SLC13A1: variants seen among roughly 807,000 people sequenced by gnomAD.
SLC13A1 encodes Na(+)/sulfate cotransporter.
In SLC13A1, 65 loss-of-function variants were observed where a neutral mutation model predicts 70.0. The ratio of observed to expected loss-of-function variants is 0.93; its 90% confidence interval spans 0.76 to 1.14. The LOEUF is 1.14. Ranked by LOEUF, SLC13A1 falls within the 50% of genes most tolerant of loss-of-function variation. The probability of loss-of-function intolerance (pLI) is 0.00; values close to 1 mark genes in which losing one functional copy is unlikely to be tolerated. For missense variants in SLC13A1, 726 were observed against 717.8 expected, an observed-to-expected ratio of 1.01 and a Z score of -0.13; for synonymous variants, 275 against 250.5, an observed-to-expected ratio of 1.10 and a Z score of -0.92.
At chr7:123,126,738 A>G (rs1452326761) in intron 10 of SLC13A1, among the ~76,000 whole-genome samples, 2 of 152,068 alleles carry the variant, frequency 1.3e-5, no homozygotes, top group African/African-American at 4.8e-5. Flanking sequence ...ACCATAATTT[A>G]TCTTACAAAC....
At chr7:123,139,153 C>A (rs1434996489) in intron 7 of SLC13A1, among the ~76,000 whole-genome samples, 1 of 152,084 alleles carries the variant, frequency 6.6e-6, no homozygotes, top group East Asian at 1.9e-4. Context: ...GAGTTCCCAG[C>A]ACCATTTATG....
chr7:123,168,496 T>C lies in SLC13A1; in HGVS notation c.611+8A>G, dbSNP rs774648898. The C allele has an allele frequency of 1.2e-6, 2 of 1,608,002 alleles. No homozygotes were observed. Among genetic ancestry groups the C allele is most frequent in the South Asian group, 2.2e-5 (2 of 90,150 alleles). ...AAAAATCCCAATCAAAATGTCAGTA[T>C]TCCTTACCCTGGAACTGGTTTTGTT... On this transcript the variant is annotated splice_region_variant and intron_variant, in intron 5 of 14. Coordinates refer to ENST00000194130, the MANE Select transcript of SLC13A1 (RefSeq NM_022444.4).
intron 2 of SLC13A1, among the ~76,000 whole-genome samples, chr7:123,180,197 G>A (rs1585390032): frequency 6.6e-6 from 1 of 152,118 alleles, no homozygotes; most frequent in East Asian, 1.9e-4. Context: ...AATAAAGAAG[G>A]GAACCATTCC....
intron 12 of SLC13A1, among the ~76,000 whole-genome samples, chr7:123,122,382 A>G (rs1441537476): frequency 2.0e-5 from 3 of 152,152 alleles, no homozygotes; most frequent in African/African-American, 7.2e-5. Flanking sequence ...AGTCTATGAA[A>G]ACCAGAATGA....
rs919138935 is a variant in SLC13A1 at position 123,158,717 on chromosome 7, A to G, written c.660+9657T>C. On this transcript the variant is annotated intron_variant, in intron 6 of 14. Transcript: ENST00000194130. The stretch of plus-strand genomic sequence containing the variant: ...AAAAGATTGCCTACAAAGGAATAAT[A>G]ATTTGACTGATAGCTAGCTGACTTT... Among the ~76,000 whole-genome samples the G allele has an allele frequency of 4.6e-5, 7 of 152,152 alleles. No homozygotes were observed. In the East Asian group the frequency reaches 1.2e-3, roughly 25 times the overall value.
intron 1 of SLC13A1, among the ~76,000 whole-genome samples, chr7:123,187,976 A>G (rs948514311): frequency 5.9e-5 from 9 of 152,328 alleles, no homozygotes; most frequent in African/African-American, 1.7e-4. Context: ...GAAGGAGTCC[A>G]TTGGAACTTT....
At position 123,145,422 on chromosome 7, in the gene SLC13A1, G is replaced by A. The variant is rs371266528; in HGVS notation, c.812+1737C>T. Among the ~76,000 whole-genome samples the A allele has an allele frequency of 2.6e-5, 4 of 152,130 alleles. No individual in the cohort carries two copies. The East Asian group carries it at 7.7e-4, about 29-fold the overall frequency. ...ACTTGACTGTATCAACTAATTTCAT[G>A]TGAATGATGGAAACCAGCAGTTCTC... is the stretch of plus-strand genomic sequence containing the variant. On this transcript the variant is annotated intron_variant, in intron 7 of 14. Transcript: ENST00000194130.
Position 123,192,647 on chromosome 7 carries a change from C to T in SLC13A1, c.99+7201G>A, listed in dbSNP as rs541522183. 4.6e-5 allele frequency among the ~76,000 whole-genome samples: 7 copies of T among 152,086 alleles called. No individual in the cohort carries two copies. In the East Asian group the frequency reaches 1.2e-3, roughly 25 times the overall value. ...ACTACAATTGATTTTCTAAAGAGAA[C>T]ACAAAGCAATTAAAAAAGGAGAAAA... On this transcript the variant is annotated intron_variant, in intron 1 of 14. Transcript: ENST00000194130.
Position 123,171,936 on chromosome 7 carries a change from C to T in SLC13A1, c.229-32G>A, listed in dbSNP as rs750146763. Reference sequence around the variant, plus strand: ...TAACAATTAAACCCGTGATTATTTACTTTGGTGGGGAAAAATAACATTGCA... The same window carrying T: ...TAACAATTAAACCCGTGATTATTTATTTTGGTGGGGAAAAATAACATTGCA... On this transcript the variant is annotated intron_variant, in intron 2 of 14. Coordinates refer to ENST00000194130, the MANE Select transcript of SLC13A1 (RefSeq NM_022444.4). 2.4e-5 allele frequency: 38 copies of T among 1,599,462 alleles called. 2 individuals carry two copies. In the South Asian group the frequency reaches 3.4e-4, roughly 14 times the overall value.
At position 123,168,502 on chromosome 7, in the gene SLC13A1, A is replaced by T. The variant is rs773643843; in HGVS notation, c.611+2T>A. 3.7e-5 allele frequency: 60 copies of T among 1,609,118 alleles called. No individual in the cohort carries two copies. Among genetic ancestry groups the T allele is most frequent in the Non-Finnish European group, 4.9e-5 (58 of 1,176,664 alleles). On this transcript the variant is annotated splice_donor_variant, in intron 5 of 14. Transcript: ENST00000194130. LOFTEE classifies it high-confidence loss of function. ...CCCAATCAAAATGTCAGTATTCCTT[A>T]CCCTGGAACTGGTTTTGTTTTCTCT...
intron 8 of SLC13A1, among the ~76,000 whole-genome samples, chr7:123,134,013 G>A (rs1033208487): frequency 6.6e-6 from 1 of 151,816 alleles, no homozygotes; most frequent in Non-Finnish European, 1.5e-5. Context: ...GGTCCTTTTA[G>A]GGGGGAGGTT....
At chr7:123,182,862 G>T (rs2116625192) in intron 1 of SLC13A1, among the ~76,000 whole-genome samples, 1 of 152,138 alleles carries the variant, frequency 6.6e-6, no homozygotes, top group East Asian at 1.9e-4. Context: ...TCAACCAAAA[G>T]TCAGTGACTT....
intron 6 of SLC13A1, among the ~76,000 whole-genome samples, chr7:123,156,841 CTTCAGA>C (rs1794731871): frequency 6.6e-6 from 1 of 152,078 alleles, no homozygotes; most frequent in Admixed American, 6.6e-5. Context: ...AAACCTATCC[CTTCAGA>C]TGAATCACTG....
chr7:123,182,700 C>T lies in SLC13A1; in HGVS notation c.100-1599G>A, dbSNP rs989857463. 3.8e-4 allele frequency among the ~76,000 whole-genome samples: 58 copies of T among 152,114 alleles called. 1 individual carries two copies. Among genetic ancestry groups the T allele is most frequent in the African/African-American group, 1.3e-3 (55 of 41,436 alleles). On this transcript the variant is annotated intron_variant, in intron 1 of 14. Transcript: ENST00000194130. ...TACACCCCCTGCCTTAAGTGTTGAA[C>T]ATCCATGTCAACATGGGCCTTTGGG...
At chr7:123,163,475 G>T (rs1420297708) in intron 6 of SLC13A1, among the ~76,000 whole-genome samples, 1 of 152,064 alleles carries the variant, frequency 6.6e-6, no homozygotes, top group East Asian at 1.9e-4. Context: ...ACTCTTCGAT[G>T]TGAATACTTT....
In SLC13A1 at chr7:123,199,784, G is replaced by A. The variant is rs1344327264; in HGVS notation, c.99+64C>T. 6.4e-6 allele frequency: 8 copies of A among 1,254,322 alleles called. No individual in the cohort carries two copies. In the Admixed American group the frequency reaches 1.4e-4, roughly 22 times the overall value. 77.7% of individuals were successfully genotyped at this position (1,254,322 alleles called of 1,614,324 possible). A position where few individuals can be genotyped will look rare whatever the true frequency, so the allele number is the denominator to read the frequency against. On this transcript the variant is annotated intron_variant, in intron 1 of 14. Coordinates refer to ENST00000194130, the MANE Select transcript of SLC13A1 (RefSeq NM_022444.4). ...GAGCCAGGCAGTTAAACAGCAAACAGTTTTAATAAAGGACAATTAAATAAG... is the reference window on the plus strand; with the variant it reads ...GAGCCAGGCAGTTAAACAGCAAACAATTTTAATAAAGGACAATTAAATAAG...
chr7:123,193,019 C>T (rs1796050594), intron 1 of SLC13A1, among the ~76,000 whole-genome samples: 2 of 151,994 alleles, frequency 1.3e-5, no homozygotes, highest in Admixed American at 1.3e-4. Flanking sequence ...ACTCAACCTC[C>T]ACACCTAACC....
At chr7:123,156,635 G>T (rs932029175) in intron 6 of SLC13A1, among the ~76,000 whole-genome samples, 2 of 152,054 alleles carry the variant, frequency 1.3e-5, no homozygotes, top group Admixed American at 1.3e-4. Flanking sequence ...TGTTCTAATG[G>T]TTTAAAATGT....
chr7:123,137,342 G>A (rs1050115416), intron 7 of SLC13A1, among the ~76,000 whole-genome samples: 1 of 152,118 alleles, frequency 6.6e-6, no homozygotes, highest in Non-Finnish European at 1.5e-5. Context: ...ATTAGGTTGC[G>A]TAGTGAAAAA....
Sources: gnomAD v4.1 joint callset for allele counts (sites outside exome capture counted in the v4.1 genomes callset) on GRCh38, gnomAD v4.1.1 for gene constraint, MANE v1.5 for transcripts, NCBI Gene and HGNC (gene_info 2026-07-23, HGNC 2026-07-21) for gene names.